Variants in TM9SF2 observed in about 807,000 individuals in gnomAD.
The protein encoded by TM9SF2 is 76 kDa membrane protein.
TM9SF2 carries 13 observed loss-of-function variants against 84.9 expected under a neutral mutation model. The ratio of observed to expected loss-of-function variants is 0.15; its 90% CI spans 0.10 to 0.24. The LOEUF is 0.24. Among genes scored for constraint, TM9SF2 ranks in the 10% least tolerant of loss-of-function variants. The pLI is 1.00. For missense variants in TM9SF2, 562 were observed against 818.5 expected (o/e 0.69, Z 3.82); for synonymous variants, 273 against 285.8 (o/e 0.96, Z 0.45).
intron 3 of TM9SF2, among the ~76,000 whole-genome samples, chr13:99,526,311 G>A (rs117693883): frequency 0.012 from 1,782 of 152,348 alleles, 30 homozygotes; most frequent in Non-Finnish European, 0.014. Context: ...GTGCTGCTGA[G>A]TTGGATTTAA....
At chr13:99,518,763 ATTTTTTTT>A (rs34847688) in intron 2 of TM9SF2, among the ~76,000 whole-genome samples, 1 of 128,626 alleles carries the variant, frequency 7.8e-6, no homozygotes, top group Non-Finnish European at 1.6e-5. Flanking sequence ...TGCCCAGCTA[ATTTTTTTT>A]TTTTTTTTTT....
Position 99,547,218 on chromosome 13 carries a change from T to C in TM9SF2, c.1270+114T>C, listed in dbSNP as rs1379022864. 2.8e-6 allele frequency: 4 copies of C among 1,447,052 alleles called. No individual in the cohort carries two copies. In the East Asian group the frequency reaches 9.3e-5, roughly 34 times the overall value. 89.6% of individuals were successfully genotyped at this position (1,447,052 alleles called of 1,614,324 possible). A position where few individuals can be genotyped will look rare whatever the true frequency, so the allele number is the denominator to read the frequency against. On this transcript the variant is annotated intron_variant, in intron 11 of 16. Transcript: ENST00000376387. ...TTGTAAATAGTGTGCCTCATAGGGG[T>C]CTGTTCTTAGTTAAAAGGAGCCTGC...
chr13:99,527,713 AT>A (rs1372888833), intron 3 of TM9SF2, among the ~76,000 whole-genome samples: 4 of 152,088 alleles, frequency 2.6e-5, no homozygotes, highest in African/African-American at 9.7e-5. Context: ...CTTTGATATA[AT>A]TTTTCTGCTA....
chr13:99,546,308 T>C (rs984204487), intron 10 of TM9SF2, among the ~76,000 whole-genome samples: 3 of 152,202 alleles, frequency 2.0e-5, no homozygotes, highest in African/African-American at 7.2e-5. Context: ...ACCTTATAAC[T>C]TCTGAGCCCC....
intron 4 of TM9SF2, among the ~76,000 whole-genome samples, chr13:99,530,817 C>A (rs1275605556): frequency 6.6e-6 from 1 of 152,004 alleles, no homozygotes; most frequent in African/African-American, 2.4e-5. Flanking sequence ...TCCTGTTTTT[C>A]CTTCCAAAGT....
At chr13:99,540,856 T>C in intron 8 of TM9SF2, 63 bp downstream of exon 8, 3 of 1,348,060 alleles carry the variant, frequency 2.2e-6, no homozygotes, top group Non-Finnish European at 1.1e-6. Context: ...CCTTTGAACA[T>C]CTCATTTACT....
At chr13:99,538,562 A>G (rs897210988) in intron 6 of TM9SF2, among the ~76,000 whole-genome samples, 1 of 152,028 alleles carries the variant, frequency 6.6e-6, no homozygotes, top group Non-Finnish European at 1.5e-5. Flanking sequence ...TGGGAAGGCC[A>G]AGGCAGGAGG....
intron 6 of TM9SF2, among the ~76,000 whole-genome samples, chr13:99,539,088 T>G (rs985234491): frequency 1.4e-4 from 21 of 149,998 alleles, no homozygotes; most frequent in Non-Finnish European, 2.8e-4. Context: ...CACACACCTG[T>G]AGTCCCATCT....
intron 6 of TM9SF2, among the ~76,000 whole-genome samples, chr13:99,539,113 G>A (rs1381331610): frequency 6.8e-6 from 1 of 147,754 alleles, no homozygotes; most frequent in Non-Finnish European, 1.5e-5. Context: ...GGGAGACTGA[G>A]GTGGGAGGAT....
chr13:99,517,537 C>A, intron 1 of TM9SF2, 77 bp from the exon 2 acceptor site: 3 of 944,210 alleles, frequency 3.2e-6, no homozygotes, highest in South Asian at 1.8e-5. Flanking sequence ...ATGTCAAATT[C>A]TTTTTTAATT....
chr13:99,506,475 A>G (rs17472694), intron 1 of TM9SF2, among the ~76,000 whole-genome samples: 247 of 152,340 alleles, frequency 1.6e-3, no homozygotes, highest in Non-Finnish European at 2.4e-3. Flanking sequence ...ACTATGGTAA[A>G]TATACATTCC....
rs536563813 is a variant in TM9SF2 at position 99,554,880 on chromosome 13, G to A, written c.1640+425G>A. On this transcript the variant is annotated intron_variant, in intron 14 of 16. Transcript: ENST00000376387. ...GAGAAGATCCTCTGAGCACTTGTCG[G>A]AGGGGATTGGTGAAGGGATTGGTCT... Among the ~76,000 whole-genome samples the A allele has an allele frequency of 5.9e-5, 9 of 152,302 alleles. No individual in the cohort carries two copies. In the South Asian group the frequency reaches 1.9e-3, roughly 32 times the overall value.
At chr13:99,547,171 C>G in intron 11 of TM9SF2, 67 bp downstream of exon 11, 1 of 1,593,394 alleles carries the variant, frequency 6.3e-7, no homozygotes, top group Non-Finnish European at 8.6e-7. Context: ...TGGATCTGAC[C>G]TGGGTATCAG....
chr13:99,501,902 C>T (rs1369875643), intron 1 of TM9SF2, 125 bp downstream of exon 1: 2 of 1,365,812 alleles, frequency 1.5e-6, no homozygotes, highest in Non-Finnish European at 2.0e-6. Context: ...TTGAGTTTCC[C>T]CAGAAGCTTT....
At chr13:99,514,845 G>A (rs1322111741) in intron 1 of TM9SF2, among the ~76,000 whole-genome samples, 1 of 152,176 alleles carries the variant, frequency 6.6e-6, no homozygotes, top group Non-Finnish European at 1.5e-5. Context: ...TGCTGGACAT[G>A]GCTATGTAAT....
At chr13:99,554,793 T>C (rs2046319334) in intron 14 of TM9SF2, among the ~76,000 whole-genome samples, 1 of 152,220 alleles carries the variant, frequency 6.6e-6, no homozygotes, top group Non-Finnish European at 1.5e-5. Context: ...ACAGCAACCC[T>C]GTGACAGAAA....
intron 16 of TM9SF2, 130 bp downstream of exon 16, chr13:99,559,664 A>G: frequency 1.2e-6 from 1 of 867,882 alleles, no homozygotes; most frequent in Non-Finnish European, 1.7e-6. Flanking sequence ...CCTCAGCACA[A>G]CTAGGCATAG....
intron 7 of TM9SF2, 91 bp from the exon 8 acceptor site, chr13:99,540,623 A>T (rs773952520): frequency 1.5e-5 from 15 of 1,005,728 alleles, no homozygotes; most frequent in Non-Finnish European, 2.2e-5. Context: ...TGTTGACTCA[A>T]TGGAAGGACA....
chr13:99,539,587 C>G, intron 7 of TM9SF2, 30 bp downstream of exon 7: 1 of 1,349,422 alleles, frequency 7.4e-7, no homozygotes, highest in East Asian at 2.3e-5. Flanking sequence ...TAGTATAACT[C>G]TGAAATTGAT....
Sources: allele counts gnomAD v4.1 joint callset (sites outside exome capture counted in the v4.1 genomes callset), GRCh38; gene constraint gnomAD v4.1.1; transcripts MANE v1.5; gene names NCBI Gene and HGNC (gene_info 2026-07-23, HGNC 2026-07-21).